The following CPPED1 variants were observed in gnomAD, a reference collection of about 807,000 sequenced individuals.
CPPED1 encodes the protein serine/threonine-protein phosphatase CPPED1.
CPPED1 carries 28 observed loss-of-function variants against 28.0 expected under a neutral mutation model. The ratio of observed to expected loss-of-function variants is 1.00; its 90% confidence interval spans 0.74 to 1.37. The LOEUF (loss-of-function observed/expected upper bound fraction) is 1.37, where lower values mean the gene tolerates loss of function less well. Ranked by LOEUF, CPPED1 falls within the 40% of genes most tolerant of loss-of-function variation. The pLI, the probability that CPPED1 is intolerant of heterozygous loss-of-function variation, is 0.00. For synonymous variants in CPPED1, 198 were observed against 180.2 expected (o/e 1.10, Z -0.79); for missense variants, 504 against 416.5 (o/e 1.21, Z -1.83).
intron 1 of CPPED1, among the ~76,000 whole-genome samples, chr16:12,783,977 G>GCCCCCAA (rs1489535940): frequency 0.036 from 5,491 of 152,240 alleles, 320 homozygotes; most frequent in African/African-American, 0.13. Flanking sequence ...AAGACTCTAA[G>GCCCCCAA]ATGCCCCCCA....
intron 2 of CPPED1, among the ~76,000 whole-genome samples, chr16:12,745,557 C>CA (rs1428249453): frequency 6.6e-6 from 1 of 152,184 alleles, no homozygotes; most frequent in East Asian, 1.9e-4. Flanking sequence ...TTATCTTTAG[C>CA]AAATTAACCC....
intron 2 of CPPED1, among the ~76,000 whole-genome samples, chr16:12,779,390 T>A (rs1423291010): frequency 6.6e-6 from 1 of 151,394 alleles, no homozygotes; most frequent in Non-Finnish European, 1.5e-5. Flanking sequence ...GGCTAATTTT[T>A]TTTTTTTCTT....
intron 2 of CPPED1, among the ~76,000 whole-genome samples, chr16:12,775,050 G>A (rs1317763791): frequency 6.6e-6 from 1 of 152,078 alleles, no homozygotes; most frequent in Admixed American, 6.6e-5. Context: ...CAACTCCTGA[G>A]CTCAAGCAAT....
intron 1 of CPPED1, among the ~76,000 whole-genome samples, chr16:12,793,659 G>C (rs544832872): frequency 6.6e-6 from 1 of 152,266 alleles, no homozygotes; most frequent in East Asian, 1.9e-4. Flanking sequence ...GGTCAAAAGT[G>C]AGTTACTCGT....
intron 2 of CPPED1, among the ~76,000 whole-genome samples, chr16:12,769,180 A>G (rs886475979): frequency 6.6e-6 from 1 of 152,120 alleles, no homozygotes; most frequent in Non-Finnish European, 1.5e-5. Context: ...CTCAACTGCT[A>G]TTTTGAAACT....
chr16:12,714,329 T>A (rs1369377432), intron 2 of CPPED1, among the ~76,000 whole-genome samples: 2 of 152,202 alleles, frequency 1.3e-5, no homozygotes, highest in South Asian at 2.1e-4. Flanking sequence ...AACTCTGAGT[T>A]ACATGGTAAC....
intron 2 of CPPED1, among the ~76,000 whole-genome samples, chr16:12,729,993 C>T (rs562552682): frequency 1.1e-4 from 17 of 152,232 alleles, no homozygotes; most frequent in Non-Finnish European, 2.2e-4. Flanking sequence ...TCCCAAGGTT[C>T]TGGGACTATA....
At chr16:12,790,329 T>C (rs1305087891) in intron 1 of CPPED1, among the ~76,000 whole-genome samples, 1 of 152,246 alleles carries the variant, frequency 6.6e-6, no homozygotes, top group Non-Finnish European at 1.5e-5. Context: ...TATTTGTCAA[T>C]GTTAATGAAA....
At chr16:12,668,970 C>T (rs2079840148) in intron 3 of CPPED1, among the ~76,000 whole-genome samples, 1 of 152,232 alleles carries the variant, frequency 6.6e-6, no homozygotes, top group Non-Finnish European at 1.5e-5. Flanking sequence ...TGATATTTCA[C>T]TCCTAAGTAT....
intron 3 of CPPED1, among the ~76,000 whole-genome samples, chr16:12,696,049 C>G (rs761417050): frequency 2.0e-5 from 3 of 152,180 alleles, no homozygotes; most frequent in African/African-American, 7.2e-5. Flanking sequence ...AAGTAGCATG[C>G]CTTCCTCATC....
intron 2 of CPPED1, among the ~76,000 whole-genome samples, chr16:12,735,060 G>C (rs1199651302): frequency 6.6e-6 from 1 of 152,138 alleles, no homozygotes; most frequent in Non-Finnish European, 1.5e-5. Flanking sequence ...GTACTATCTG[G>C]AGGGTCACCA....
chr16:12,798,025 A>G (rs11075157), intron 1 of CPPED1, among the ~76,000 whole-genome samples: 39,431 of 152,080 alleles, frequency 0.26, 6,570 homozygotes, highest in African/African-American at 0.47. Flanking sequence ...TGAGGCTGCA[A>G]ATCAGCCATG....
At chr16:12,721,015 G>C (rs78247606) in intron 2 of CPPED1, among the ~76,000 whole-genome samples, 1 of 152,118 alleles carries the variant, frequency 6.6e-6, no homozygotes, top group Non-Finnish European at 1.5e-5. Flanking sequence ...AGATGGATAG[G>C]ATGAGCTCTT....
intron 1 of CPPED1, among the ~76,000 whole-genome samples, chr16:12,795,011 C>A (rs556917928): frequency 2.0e-5 from 3 of 152,222 alleles, no homozygotes; most frequent in Non-Finnish European, 4.4e-5. Context: ...TTTCCAGAAC[C>A]TCTCTCACTT....
In CPPED1 at chr16:12,704,862, C is replaced by T. The variant is rs1457309177; in HGVS notation, c.477G>A (p.Leu159=). The part of the protein sequence containing the change: ...DYFSFWVGGV[L]FLVLNSQFYE... Reference sequence around the variant, plus strand: ...AGAACTGGGAGTTGAGGACCAGGAACAGGACGCCCCCGACCCAGAAGCTGA... The same window carrying T: ...AGAACTGGGAGTTGAGGACCAGGAATAGGACGCCCCCGACCCAGAAGCTGA... The change falls in exon 3 of 4, where the codon CTG becomes CTA. Residue 159 remains leucine (L), a synonymous_variant. Transcript: ENST00000381774. The T allele has an allele frequency of 4.3e-6, 7 of 1,614,104 alleles. No individual in the cohort carries two copies. The highest frequency in any genetic ancestry group is 5.9e-6 in the Non-Finnish European group (7 of 1,180,048).
chr16:12,722,124 T>C (rs1039732952), intron 2 of CPPED1, among the ~76,000 whole-genome samples: 1 of 152,214 alleles, frequency 6.6e-6, no homozygotes, highest in Non-Finnish European at 1.5e-5. Flanking sequence ...CTGATGATGA[T>C]ACACTCAGCC....
intron 2 of CPPED1, among the ~76,000 whole-genome samples, chr16:12,729,792 A>G (rs1401612529): frequency 6.6e-6 from 1 of 152,210 alleles, no homozygotes; most frequent in Non-Finnish European, 1.5e-5. Context: ...TCAAGGACAA[A>G]CAGGAGAGAA....
At chr16:12,731,804 G>GA (rs1163003690) in intron 2 of CPPED1, among the ~76,000 whole-genome samples, 4 of 150,298 alleles carry the variant, frequency 2.7e-5, no homozygotes, top group Admixed American at 2.6e-4. Context: ...TGTCTAATAT[G>GA]AAAAAAAAGA....
intron 2 of CPPED1, among the ~76,000 whole-genome samples, chr16:12,741,014 T>C (rs1342453566): frequency 1.3e-5 from 2 of 152,228 alleles, no homozygotes; most frequent in African/African-American, 4.8e-5. Context: ...GCAAGTCATT[T>C]AATCCACATC....
Sources: allele counts gnomAD v4.1 joint callset (sites outside exome capture counted in the v4.1 genomes callset), GRCh38; gene constraint gnomAD v4.1.1; transcripts MANE v1.5; gene names NCBI Gene and HGNC (gene_info 2026-07-23, HGNC 2026-07-21).